The following ROBO2 variants were observed in gnomAD, a reference collection of about 807,000 sequenced individuals.
The protein encoded by ROBO2 is roundabout guidance receptor 2, also known as roundabout homolog 2.
ROBO2 carries 53 observed loss-of-function variants against 160.8 expected under a neutral mutation model. The ratio of observed to expected loss-of-function variants is 0.33; its 90% CI spans 0.26 to 0.41. ROBO2 has a LOEUF of 0.41. Ranked by LOEUF, ROBO2 falls within the 10% of genes least tolerant of loss-of-function variation. ROBO2 has a pLI of 1.00. For missense variants in ROBO2, 1,577 were observed against 1,722.4 expected (o/e 0.92, Z 1.49); for synonymous variants, 664 against 611.7 (o/e 1.09, Z -1.26).
chr3:77,430,292 T>C (rs1420798187), intron 2 of ROBO2, among the ~76,000 whole-genome samples: 1 of 152,160 alleles, frequency 6.6e-6, no homozygotes, highest in African/African-American at 2.4e-5. Context: ...AAGCCTTAGA[T>C]AATAAAATTT....
chr3:76,799,756 A>T (rs137885410), intron 2 of ROBO2, among the ~76,000 whole-genome samples: 1 of 152,330 alleles, frequency 6.6e-6, no homozygotes, highest in East Asian at 1.9e-4. Context: ...ATATCCATAG[A>T]TTGGAAAAAT....
chr3:76,006,552 A>C (rs2066025640), intron 2 of ROBO2, among the ~76,000 whole-genome samples: 2 of 152,266 alleles, frequency 1.3e-5, no homozygotes, highest in South Asian at 2.1e-4. Context: ...TGCAGCCAAA[A>C]GATTTAAGTT....
intron 2 of ROBO2, among the ~76,000 whole-genome samples, chr3:76,007,346 AAC>A (rs952855779): frequency 1.3e-5 from 2 of 152,170 alleles, no homozygotes; most frequent in African/African-American, 4.8e-5. Context: ...AAAAACATAA[AAC>A]ACAGCTTCCA....
intron 1 of ROBO2, among the ~76,000 whole-genome samples, chr3:75,923,282 G>A (rs1947145463): frequency 6.6e-6 from 1 of 152,206 alleles, no homozygotes; most frequent in African/African-American, 2.4e-5. Flanking sequence ...TGTGATAGAT[G>A]AGATGAACTT....
At chr3:77,408,036 A>G (rs1016616269) in intron 2 of ROBO2, among the ~76,000 whole-genome samples, 1 of 152,034 alleles carries the variant, frequency 6.6e-6, no homozygotes, top group African/African-American at 2.4e-5. Flanking sequence ...CAGATTTCTC[A>G]ATATATTATG....
chr3:76,160,784 G>A (rs2072598378), intron 2 of ROBO2, among the ~76,000 whole-genome samples: 1 of 152,080 alleles, frequency 6.6e-6, no homozygotes, highest in Non-Finnish European at 1.5e-5. Flanking sequence ...GTTCAGATAT[G>A]TTATAGTAAG....
At position 76,651,154 on chromosome 3, in the gene ROBO2, G is replaced by A. The variant is rs75938944; in HGVS notation, c.110-446860G>A. ...GATTTTCAGGCATGTATGCATTCAGGCACTCAAAACCTCAGGGGTCTGTAT... is the reference window on the plus strand; with the variant it reads ...GATTTTCAGGCATGTATGCATTCAGACACTCAAAACCTCAGGGGTCTGTAT... On this transcript the variant is annotated intron_variant, in intron 2 of 26. Transcript: ENST00000487694. 6.4e-3 allele frequency among the ~76,000 whole-genome samples: 973 copies of A among 152,236 alleles called. 12 individuals carry two copies. The highest frequency in any genetic ancestry group is 8.6e-3 in the Non-Finnish European group (587 of 68,020).
intron 2 of ROBO2, among the ~76,000 whole-genome samples, chr3:76,550,258 G>T (rs1484119358): frequency 1.3e-5 from 2 of 152,082 alleles, no homozygotes; most frequent in African/African-American, 4.8e-5. Flanking sequence ...CATAATTTAA[G>T]AATTCATCCA....
chr3:77,006,311 G>A (rs978401214), intron 2 of ROBO2, among the ~76,000 whole-genome samples: 1 of 147,600 alleles, frequency 6.8e-6, no homozygotes, highest in Non-Finnish European at 1.5e-5. Flanking sequence ...ATATTTGTGT[G>A]TGTGTGTGTG....
chr3:76,350,107 A>ATT (rs1452127261), intron 2 of ROBO2, among the ~76,000 whole-genome samples: 1 of 152,102 alleles, frequency 6.6e-6, no homozygotes, highest in East Asian at 1.9e-4. Context: ...ACTGTCTCCC[A>ATT]ATAAAGCTTT....
chr3:76,580,378 T>G (rs1190202936), intron 2 of ROBO2, among the ~76,000 whole-genome samples: 1 of 148,570 alleles, frequency 6.7e-6, no homozygotes, highest in East Asian at 2.0e-4. Context: ...TTTTTTTCTC[T>G]TGGTCTGACA....
chr3:77,190,750 A>G (rs2081761137), intron 2 of ROBO2, among the ~76,000 whole-genome samples: 1 of 151,876 alleles, frequency 6.6e-6, no homozygotes, highest in Non-Finnish European at 1.5e-5. Flanking sequence ...TAGTGCCTGG[A>G]CTCCTGGTCT....
At chr3:77,301,998 G>A (rs2062701345) in intron 2 of ROBO2, among the ~76,000 whole-genome samples, 1 of 151,986 alleles carries the variant, frequency 6.6e-6, no homozygotes, top group Non-Finnish European at 1.5e-5. Context: ...GACCTCCTGG[G>A]CTCAAGCAAT....
intron 2 of ROBO2, among the ~76,000 whole-genome samples, chr3:77,150,863 G>T (rs1422576502): frequency 6.6e-6 from 1 of 152,106 alleles, no homozygotes; most frequent in Admixed American, 6.5e-5. Context: ...ATGTTATAGG[G>T]AAGGAAAATT....
At chr3:76,712,243 C>G (rs1241510720) in intron 2 of ROBO2, among the ~76,000 whole-genome samples, 1 of 152,168 alleles carries the variant, frequency 6.6e-6, no homozygotes, top group East Asian at 1.9e-4. Flanking sequence ...CTTACATAAG[C>G]TAGATCAAGT....
intron 2 of ROBO2, among the ~76,000 whole-genome samples, chr3:76,319,795 C>A (rs973962732): frequency 6.6e-6 from 1 of 150,522 alleles, no homozygotes; most frequent in African/African-American, 2.4e-5. Flanking sequence ...AAAGTTATTC[C>A]TGTTCTTGTT....
chr3:77,101,105 C>T (rs1389684485), intron 2 of ROBO2, among the ~76,000 whole-genome samples: 1 of 152,086 alleles, frequency 6.6e-6, no homozygotes, highest in African/African-American at 2.4e-5. Context: ...TTGAAGATTG[C>T]ATTAAAGGTA....
intron 2 of ROBO2, among the ~76,000 whole-genome samples, chr3:76,393,434 T>G (rs866056653): frequency 3.0e-4 from 46 of 152,288 alleles, no homozygotes; most frequent in African/African-American, 1.1e-3. Context: ...ACTAAATTAT[T>G]AGAAAAAAGT....
chr3:76,152,654 G>T (rs2072255732), intron 2 of ROBO2, among the ~76,000 whole-genome samples: 1 of 152,044 alleles, frequency 6.6e-6, no homozygotes. Context: ...TAAGCCCCCA[G>T]TGAATTCTTA....
Sources: gnomAD v4.1 joint callset for allele counts (sites outside exome capture counted in the v4.1 genomes callset) on GRCh38, gnomAD v4.1.1 for gene constraint, MANE v1.5 for transcripts, NCBI Gene and HGNC (gene_info 2026-07-23, HGNC 2026-07-21) for gene names.